The following CD80 variants were observed in gnomAD, a reference collection of about 807,000 sequenced individuals.
The protein encoded by CD80 is CD80 molecule.
CD80 carries 13 observed loss-of-function variants against 27.1 expected under a neutral mutation model. The ratio of observed to expected loss-of-function variants is 0.48; its 90% CI spans 0.31 to 0.76. The LOEUF (loss-of-function observed/expected upper bound fraction) is 0.76, where lower values mean the gene tolerates loss of function less well. Among genes scored for constraint, CD80 ranks in the 30% least tolerant of loss-of-function variants. The pLI is 0.04. For missense variants in CD80, 277 were observed against 347.9 expected, an observed-to-expected ratio of 0.80 and a Z score of 1.62; for synonymous variants, 125 against 125.5, an observed-to-expected ratio of 1.00 and a Z score of 0.03.
intron 2 of CD80, among the ~76,000 whole-genome samples, chr3:119,549,224 A>G (rs2082217667): frequency 6.6e-6 from 1 of 152,020 alleles, no homozygotes; most frequent in South Asian, 2.1e-4. Flanking sequence ...TCCATGCCAT[A>G]CAATTACCCT....
chr3:119,555,850 A>G (rs758074035), intron 2 of CD80, among the ~76,000 whole-genome samples: 7 of 152,222 alleles, frequency 4.6e-5, no homozygotes, highest in Non-Finnish European at 1.0e-4. Context: ...TGATTAAACA[A>G]AAGAATGAAC....
chr3:119,557,680 G>C lies in CD80; in HGVS notation c.49C>G (p.Leu17Val). ...AGCACCAAGAGCTGAAAGAAATTGA[G>C]GTATGGACACTTGGATGGTGATGTT... ...QGTSPSKCPY[L>V]NFFQLLVLAG... Residue 17 changes from leucine to valine, a missense_variant, in exon 2 of 7, where the codon CTC becomes GTC. By Grantham distance (32) the Leu-to-Val change is conservative. Transcript: ENST00000264246. The C allele has an allele frequency of 6.2e-7, 1 of 1,613,824 alleles. No homozygotes were observed.
rs962824412 is a variant in CD80, at chr3:119,543,162, C to T, written c.418+1388G>A. 7.2e-5 allele frequency among the ~76,000 whole-genome samples: 11 copies of T among 152,194 alleles called. No individual in the cohort carries two copies. In the South Asian group the frequency reaches 8.3e-4, roughly 11 times the overall value. ...GAGTAATGATAAAACTCCGGTCTCCCGCACAGCCAGTTGTGCGTAAATTAC... is the reference window on the plus strand; with the variant it reads ...GAGTAATGATAAAACTCCGGTCTCCTGCACAGCCAGTTGTGCGTAAATTAC... On this transcript the variant is annotated intron_variant, in intron 3 of 6. Coordinates refer to ENST00000264246, the MANE Select transcript of CD80 (RefSeq NM_005191.4).
At chr3:119,555,367 A>G (rs1008614223) in intron 2 of CD80, among the ~76,000 whole-genome samples, 3 of 152,202 alleles carry the variant, frequency 2.0e-5, no homozygotes, top group Non-Finnish European at 2.9e-5. Context: ...AGTATTATGC[A>G]AAATAGATTC....
At position 119,525,726 on chromosome 3, in the gene CD80, G is replaced by A. The variant is rs2082061282; in HGVS notation, c.*62C>T. 2 of 152,494 alleles carry A rather than the reference G, an allele frequency of 1.3e-5. No individual in the cohort carries two copies. Among genetic ancestry groups the A allele is most frequent in the South Asian group, 2.1e-4 (1 of 4,808 alleles). 9.4% of individuals were successfully genotyped at this position (152,494 alleles called of 1,614,324 possible). ...CCATCTGAGGAAGTTCCCAGAAGAG[G>A]TCAATTGCAAATGGAGGTGGGACCT... On this transcript the variant is annotated 3_prime_UTR_variant, in exon 7 of 7. Transcript: ENST00000264246.
rs1469064256 is a variant in CD80 at position 119,524,383 on chromosome 3, CAT to C, written c.*1403_*1404del. On this transcript the variant is annotated 3_prime_UTR_variant, in exon 7 of 7. Transcript: ENST00000264246. ...ATACAGGAATTACTTAGAATAGAAA[CAT>C]AGTCATCACAACTGTTACTAAATGG... 1.3e-5 allele frequency: 2 copies of C among 152,234 alleles called. No homozygotes were observed. Among genetic ancestry groups the C allele is most frequent in the East Asian group, 1.9e-4 (1 of 5,204 alleles). The allele number at this position is 152,234 out of a possible 1,614,324, so 9.4% of individuals were successfully genotyped here.
intron 4 of CD80, among the ~76,000 whole-genome samples, chr3:119,532,044 C>T (rs566579044): frequency 6.6e-6 from 1 of 152,210 alleles, no homozygotes; most frequent in South Asian, 2.1e-4. Context: ...TTCTGTGACA[C>T]CACATCCTTC....
intron 5 of CD80, among the ~76,000 whole-genome samples, chr3:119,528,440 C>T (rs2082090551): frequency 6.6e-6 from 1 of 152,098 alleles, no homozygotes; most frequent in African/African-American, 2.4e-5. Context: ...TTATTTCGGA[C>T]CATAGAACTA....
chr3:119,538,898 T>C (rs897953288), intron 3 of CD80, among the ~76,000 whole-genome samples: 1 of 152,144 alleles, frequency 6.6e-6, no homozygotes, highest in African/African-American at 2.4e-5. Context: ...GGGGCAGGCA[T>C]TGAACTATAG....
At chr3:119,529,748 C>A (rs1479438251) in intron 5 of CD80, 94 bp downstream of exon 5, 2 of 807,256 alleles carry the variant, frequency 2.5e-6, no homozygotes, top group Non-Finnish European at 4.2e-6. Flanking sequence ...ACATGAGAAG[C>A]GAATAGGCTA....
At chr3:119,533,364 A>G (rs2082119776) in intron 4 of CD80, among the ~76,000 whole-genome samples, 1 of 151,796 alleles carries the variant, frequency 6.6e-6, no homozygotes, top group African/African-American at 2.4e-5. Context: ...GTGAGACTAC[A>G]CTAAAAAGAA....
chr3:119,538,294 T>C (rs1301332530), intron 3 of CD80, among the ~76,000 whole-genome samples: 1 of 152,238 alleles, frequency 6.6e-6, no homozygotes, highest in African/African-American at 2.4e-5. Flanking sequence ...CTTTCTTTCC[T>C]TTCCCTTTCT....
intron 4 of CD80, 112 bp from the exon 5 acceptor site, chr3:119,530,049 TC>T: frequency 1.4e-6 from 1 of 704,678 alleles, no homozygotes; most frequent in Non-Finnish European, 2.4e-6. Flanking sequence ...TGGTCAGCTC[TC>T]CAGTATGCAG....
chr3:119,543,629 G>C (rs2082183831), intron 3 of CD80, among the ~76,000 whole-genome samples: 1 of 151,598 alleles, frequency 6.6e-6, no homozygotes, highest in African/African-American at 2.4e-5. Flanking sequence ...TAGTAGAGAT[G>C]GGGTTTCACC....
intron 2 of CD80, among the ~76,000 whole-genome samples, chr3:119,549,817 C>T (rs1021978730): frequency 2.0e-5 from 3 of 152,182 alleles, no homozygotes; most frequent in Non-Finnish European, 2.9e-5. Context: ...AAAAGACATA[C>T]TTGAAGGGAG....
intron 3 of CD80, among the ~76,000 whole-genome samples, chr3:119,543,017 A>G (rs1266327430): frequency 3.9e-5 from 6 of 152,094 alleles, no homozygotes; most frequent in Non-Finnish European, 1.5e-5. Context: ...GCAAGAAGAC[A>G]GCTTCAACTC....
rs1037956789 is a variant in CD80, at chr3:119,537,264, T to C, written c.573A>G (p.Gln191=). The C allele has an allele frequency of 3.7e-6, 6 of 1,614,032 alleles. No individual in the cohort carries two copies. The Admixed American group carries it at 5.0e-5, about 13-fold the overall frequency. The part of the protein sequence containing the change: ...ELNAINTTVS[Q]DPETELYAVS... ...CAGCATAGAGCTCAGTTTCAGGATC[T>C]TGGGAAACTGTTGTGTTGATGGCAT... is the stretch of plus-strand genomic sequence containing the variant. Residue 191 remains glutamine (Q), a synonymous_variant, in exon 4 of 7, where the codon CAA becomes CAG. Coordinates refer to ENST00000264246, the MANE Select transcript of CD80 (RefSeq NM_005191.4).
rs971159768 is a variant in CD80, at chr3:119,525,483, T to A, written c.*305A>T. ...CTGGCGCTGGCCTTTATAATTCGGG[T>A]CACCTCCCTGGGCCTCAGTGCCTTT... On this transcript the variant is annotated 3_prime_UTR_variant, in exon 7 of 7. Transcript: ENST00000264246. 3.3e-5 allele frequency: 5 copies of A among 152,308 alleles called. No individual in the cohort carries two copies. The highest frequency in any genetic ancestry group is 1.2e-4 in the African/African-American group (5 of 41,562). The allele number at this position is 152,308 out of a possible 1,614,324, so 9.4% of individuals were successfully genotyped here.
chr3:119,556,920 A>G (rs1014090110), intron 2 of CD80, among the ~76,000 whole-genome samples: 8 of 152,216 alleles, frequency 5.3e-5, no homozygotes, highest in African/African-American at 1.9e-4. Flanking sequence ...AAAGTTCAGC[A>G]CTCTTAAGAT....
Sources: gnomAD v4.1 joint callset for allele counts (sites outside exome capture counted in the v4.1 genomes callset) on GRCh38, gnomAD v4.1.1 for gene constraint, MANE v1.5 for transcripts, NCBI Gene and HGNC (gene_info 2026-07-23, HGNC 2026-07-21) for gene names.